Variants in SERP2 observed in about 807,000 individuals in gnomAD.
SERP2 encodes the protein stress associated endoplasmic reticulum protein family member 2.
In SERP2, 6 loss-of-function variants were observed where a neutral mutation model predicts 9.1. The ratio of observed to expected loss-of-function variants is 0.66; its 90% CI spans 0.36 to 1.30. SERP2 has a LOEUF of 1.30. Among genes scored for constraint, SERP2 ranks in the 50% most tolerant of loss-of-function variants. SERP2 has a pLI of 0.03. For missense variants in SERP2, 58 were observed against 81.9 expected (o/e 0.71, Z 1.13); for synonymous variants, 37 against 27.3 (o/e 1.35, Z -1.10).
rs1334686005 is a variant in SERP2 at position 44,390,394 on chromosome 13, G to T, written c.158-6878G>T. On this transcript the variant is annotated intron_variant, in intron 2 of 2. Coordinates refer to ENST00000379179, the MANE Select transcript of SERP2 (RefSeq NM_001010897.3). ...AATTGGCCTCTCCTGGAGACTGCCAGAACTTTCTCAAAGTTGTAACATCCA... is the reference window on the plus strand; with the variant it reads ...AATTGGCCTCTCCTGGAGACTGCCATAACTTTCTCAAAGTTGTAACATCCA... 3 of 452,506 alleles carry T rather than the reference G, an allele frequency of 6.6e-6. No individual in the cohort carries two copies. In the Admixed American group the frequency reaches 7.2e-5, roughly 11 times the overall value. The allele number at this position is 452,506 out of a possible 1,614,324, so 28.0% of individuals were successfully genotyped here.
intron 2 of SERP2, among the ~76,000 whole-genome samples, chr13:44,380,259 C>T (rs74422197): frequency 0.061 from 9,276 of 152,208 alleles, 300 homozygotes; most frequent in Admixed American, 0.09. Context: ...GCAGAAGCAT[C>T]GTGCCATTGT....
intron 2 of SERP2, among the ~76,000 whole-genome samples, chr13:44,382,436 C>CAAAA (rs71202274): frequency 2.6e-4 from 12 of 45,624 alleles, no homozygotes; most frequent in Admixed American, 1.1e-3. Context: ...GACTCCGTCT[C>CAAAA]AAAAAAAAAA....
At chr13:44,374,146 C>A in intron 1 of SERP2, 37 bp downstream of exon 1, 4 of 1,365,342 alleles carry the variant, frequency 2.9e-6, no homozygotes, top group Non-Finnish European at 3.0e-6. Context: ...CAGAGCCCTG[C>A]AGCCCGGCGG....
intron 2 of SERP2, among the ~76,000 whole-genome samples, chr13:44,384,370 C>T (rs919653055): frequency 6.6e-6 from 1 of 152,156 alleles, no homozygotes; most frequent in African/African-American, 2.4e-5. Flanking sequence ...AACGAATGTG[C>T]GGTCCTCAAG....
At chr13:44,379,167 C>A (rs564596621) in intron 1 of SERP2, among the ~76,000 whole-genome samples, 2 of 152,330 alleles carry the variant, frequency 1.3e-5, no homozygotes, top group South Asian at 4.1e-4. Flanking sequence ...TATAATGAGG[C>A]AGACCTAAAT....
intron 2 of SERP2, among the ~76,000 whole-genome samples, chr13:44,385,846 A>G: frequency 6.6e-6 from 1 of 152,300 alleles, no homozygotes; most frequent in East Asian, 1.9e-4. Flanking sequence ...GCAAGCCCAA[A>G]GCCTGCAGCT....
At chr13:44,396,722 G>C (rs1873124331) in intron 2 of SERP2, among the ~76,000 whole-genome samples, 1 of 152,138 alleles carries the variant, frequency 6.6e-6, no homozygotes, top group South Asian at 2.1e-4. Flanking sequence ...AATAAGTGCC[G>C]CTCTCCATAA....
chr13:44,393,858 GA>G (rs1872925969), intron 2 of SERP2, among the ~76,000 whole-genome samples: 1 of 152,090 alleles, frequency 6.6e-6, no homozygotes, highest in Non-Finnish European at 1.5e-5. Context: ...TGATACAACT[GA>G]AAAAGAAATA....
intron 2 of SERP2, among the ~76,000 whole-genome samples, chr13:44,381,307 C>T (rs1871963257): frequency 6.6e-6 from 1 of 151,104 alleles, no homozygotes; most frequent in Non-Finnish European, 1.5e-5. Flanking sequence ...TTTGGGAGGC[C>T]GAGGTGGGGA....
rs938587658 is a variant in SERP2, at chr13:44,373,948, G to C, written c.-78G>C. 17 of 1,369,076 alleles carry C rather than the reference G, an allele frequency of 1.2e-5. No homozygotes were observed. The highest frequency in any genetic ancestry group is 1.9e-4 in the Middle Eastern group (1 of 5,320). 84.8% of individuals were successfully genotyped at this position (1,369,076 alleles called of 1,614,324 possible). ...CCGGGTGGGCCGCGGGGGCCTCGGC[G>C]GGACGCGCTCGGCCCTGTCGCAGGA... is the stretch of plus-strand genomic sequence containing the variant. On this transcript the variant is annotated 5_prime_UTR_variant, in exon 1 of 3. Coordinates refer to ENST00000379179, the MANE Select transcript of SERP2 (RefSeq NM_001010897.3). This position sits in a 1 kb window ranked among gnomAD's most constrained non-coding sequence, Gnocchi z 4.8.
At chr13:44,373,769 C>CGGG, upstream of SERP2, 1 of 440,860 alleles carries the variant, frequency 2.3e-6, no homozygotes, top group African/African-American at 2.1e-5. This position sits in a 1 kb window ranked among gnomAD's most constrained non-coding sequence, Gnocchi z 4.8. Flanking sequence ...TAGGTGGCTG[C>CGGG]GGGGACCGGA....
At chr13:44,395,963 C>T (rs527796284) in intron 2 of SERP2, 34 of 420,474 alleles carry the variant, frequency 8.1e-5, no homozygotes, top group Admixed American at 2.1e-4. Flanking sequence ...TCAGATCACA[C>T]GCAGCCTCCT....
At chr13:44,379,783 C>T (rs773621528) in intron 2 of SERP2, 70 bp downstream of exon 2, 41 of 1,021,738 alleles carry the variant, frequency 4.0e-5, no homozygotes, top group Non-Finnish European at 6.1e-5. Flanking sequence ...GTTTTCTTCA[C>T]AAAGCAAATA....
At chr13:44,386,026 A>G (rs17065764) in intron 2 of SERP2, among the ~76,000 whole-genome samples, 10,990 of 152,256 alleles carry the variant, frequency 0.072, 428 homozygotes, top group African/African-American at 0.1. Flanking sequence ...TCAGCAAGCC[A>G]TGAGCCCTGC....
Position 44,397,282 on chromosome 13 carries a change from G to C in SERP2, c.168G>C (p.Gln56His). 2 of 1,613,872 alleles carry C rather than the reference G, an allele frequency of 1.2e-6. No homozygotes were observed. The highest frequency in any genetic ancestry group is 8.5e-7 in the Non-Finnish European group (1 of 1,179,820). ...TTTTCCTCTTTTCAGCTATCTTTCAGATCATTCAGAGCATAAGGATGGGCA... is the reference window on the plus strand; with the variant it reads ...TTTTCCTCTTTTCAGCTATCTTTCACATCATTCAGAGCATAAGGATGGGCA... Reference protein sequence around the residue: ...VFVVCGSAIFQIIQSIRMGM With the variant: ...VFVVCGSAIFHIIQSIRMGM The change falls in exon 3 of 3, where the codon CAG (glutamine) becomes CAC (histidine). Residue 56 changes from glutamine to histidine, a missense_variant. Physicochemically the swap from Gln to His is conservative, Grantham distance 24 (BLOSUM62 0). Coordinates refer to ENST00000379179, the MANE Select transcript of SERP2 (RefSeq NM_001010897.3).
intron 1 of SERP2, among the ~76,000 whole-genome samples, 189 bp downstream of exon 1, chr13:44,374,298 C>G (rs1291832447): frequency 6.6e-6 from 1 of 152,162 alleles, no homozygotes; most frequent in Non-Finnish European, 1.5e-5. Flanking sequence ...GCTTGGCGTC[C>G]TCGTGGGCGG....
intron 2 of SERP2, among the ~76,000 whole-genome samples, chr13:44,392,196 C>CTAAAAAAAAAA (rs1872815599): frequency 2.8e-5 from 1 of 35,980 alleles, no homozygotes; most frequent in Non-Finnish European, 4.4e-5. Context: ...GACTCTGTCT[C>CTAAAAAAAAAA]AAAAAAAAAA....
intron 1 of SERP2, among the ~76,000 whole-genome samples, chr13:44,377,295 T>C (rs1210979625): frequency 6.6e-6 from 1 of 152,246 alleles, no homozygotes; most frequent in Non-Finnish European, 1.5e-5. Flanking sequence ...ATTCACTTAT[T>C]AGCTTTGCTG....
At chr13:44,391,023 T>C (rs1872723569) in intron 2 of SERP2, 1 of 152,248 alleles carries the variant, frequency 6.6e-6, no homozygotes, top group African/African-American at 2.4e-5. Flanking sequence ...TCTTAATCTC[T>C]CTTCTCAGCA....
Sources: gnomAD v4.1 joint callset for allele counts (sites outside exome capture counted in the v4.1 genomes callset) on GRCh38, gnomAD v4.1.1 for gene constraint, Gnocchi (gnomAD v3.1) non-coding constraint, MANE v1.5 for transcripts, NCBI Gene and HGNC (gene_info 2026-07-23, HGNC 2026-07-21) for gene names.